The following ATP6V0E1 variants were observed in gnomAD, a reference collection of about 807,000 sequenced individuals.
ATP6V0E1 encodes the protein ATPase H+ transporting V0 subunit e1, also known as V-type proton ATPase subunit e 1.
A neutral mutation model predicts 11.6 loss-of-function variants in ATP6V0E1; 4 were observed. That is an observed-to-expected ratio of 0.35 (90% confidence interval 0.17 to 0.79). ATP6V0E1 has a LOEUF of 0.79. ATP6V0E1 is among the 30% of genes least tolerant of loss of function. ATP6V0E1 has a pLI of 0.54. For missense variants in ATP6V0E1, 105 were observed against 100.0 expected (o/e 1.05, Z -0.21); for synonymous variants, 36 against 34.8 (o/e 1.04, Z -0.13).
rs937990639 is a variant in ATP6V0E1 at position 173,022,226 on chromosome 5, A to C, written c.*36+1859A>C. Among the ~76,000 whole-genome samples the C allele has an allele frequency of 7.9e-5, 12 of 152,228 alleles. No homozygotes were observed. In the South Asian group the frequency reaches 2.3e-3, roughly 29 times the overall value. On this transcript the variant is annotated intron_variant, in intron 3 of 3. Coordinates refer to ENST00000519374, the MANE Select transcript of ATP6V0E1 (RefSeq NM_003945.4). The stretch of plus-strand genomic sequence containing the variant: ...AATGCCTTGACTAGATTTAGGTTCA[A>C]GTTTTTTGGCTCTTTAGGTGTTACT...
intron 1 of ATP6V0E1, among the ~76,000 whole-genome samples, chr5:172,989,828 G>A (rs1359753278): frequency 1.3e-5 from 2 of 151,542 alleles, no homozygotes; most frequent in East Asian, 1.9e-4. Flanking sequence ...ATGCCCAGCC[G>A]AAGATTTTTT....
At chr5:173,013,523 T>A (rs1190074183) in intron 2 of ATP6V0E1, among the ~76,000 whole-genome samples, 1 of 135,956 alleles carries the variant, frequency 7.4e-6, no homozygotes, top group Non-Finnish European at 1.5e-5. Flanking sequence ...TGCAGTGAGC[T>A]GAGATTGCGC....
intron 3 of ATP6V0E1, among the ~76,000 whole-genome samples, chr5:173,030,296 A>G (rs1756629295): frequency 6.6e-6 from 1 of 152,230 alleles, no homozygotes; most frequent in Non-Finnish European, 1.5e-5. Flanking sequence ...AGAAGGAATT[A>G]TTTTGCAAAT....
At chr5:173,019,236 C>T (rs1756445160) in intron 2 of ATP6V0E1, among the ~76,000 whole-genome samples, 2 of 152,302 alleles carry the variant, frequency 1.3e-5, no homozygotes, top group South Asian at 2.1e-4. Context: ...GCATGAGCCA[C>T]CGCACCCAAC....
At chr5:173,010,067 A>G (rs1215175220) in intron 2 of ATP6V0E1, among the ~76,000 whole-genome samples, 1 of 152,124 alleles carries the variant, frequency 6.6e-6, no homozygotes, top group Non-Finnish European at 1.5e-5. Context: ...TGTCCTGGAT[A>G]GCCACTTTGT....
chr5:173,021,938 G>A (rs969486280), intron 3 of ATP6V0E1, among the ~76,000 whole-genome samples: 2 of 152,192 alleles, frequency 1.3e-5, no homozygotes, highest in Admixed American at 1.3e-4. Flanking sequence ...GGGAGGCTGA[G>A]GCAGGAGAAT....
At chr5:172,996,574 AATACATACATAC>A (rs534005934) in intron 2 of ATP6V0E1, among the ~76,000 whole-genome samples, 15 of 151,706 alleles carry the variant, frequency 9.9e-5, no homozygotes, top group African/African-American at 3.4e-4. Flanking sequence ...AAAAAAAAAA[AATACATACATAC>A]ATACATACAT....
chr5:173,005,798 A>T (rs1756219375), intron 2 of ATP6V0E1, among the ~76,000 whole-genome samples: 1 of 152,092 alleles, frequency 6.6e-6, no homozygotes, highest in Non-Finnish European at 1.5e-5. Context: ...GATAAAGTGT[A>T]TTTTCATTTT....
intron 1 of ATP6V0E1, among the ~76,000 whole-genome samples, chr5:172,993,969 T>C (rs896499021): frequency 1.3e-5 from 2 of 152,028 alleles, no homozygotes; most frequent in Non-Finnish European, 2.9e-5. Context: ...TGATGGATGA[T>C]GGAGGGGGGA....
chr5:172,992,859 G>A (rs112115906), intron 1 of ATP6V0E1, among the ~76,000 whole-genome samples: 3,254 of 152,052 alleles, frequency 0.021, 110 homozygotes, highest in African/African-American at 0.073. Flanking sequence ...GTGCAATAGC[G>A]CAATCTCGGC....
Position 173,031,822 on chromosome 5 carries a change from CAA to C in ATP6V0E1, c.*37-2562_*37-2561del, listed in dbSNP as rs34167312. 6.0e-3 allele frequency among the ~76,000 whole-genome samples: 718 copies of C among 119,380 alleles called. 4 individuals are homozygous for C. The highest frequency in any genetic ancestry group is 0.018 in the African/African-American group (624 of 34,480). The allele number at this position is 119,380 out of a possible 152,430, so 78.3% of individuals were successfully genotyped here. A position where few individuals can be genotyped will look rare whatever the true frequency, so the allele number is the denominator to read the frequency against. ...TGGGCGAGAGAGCGAGACTCTGCCT[CAA>C]AAAAAAAAAAAAAAGCTTCCTTAAT... On this transcript the variant is annotated intron_variant, in intron 3 of 3. Coordinates refer to ENST00000519374, the MANE Select transcript of ATP6V0E1 (RefSeq NM_003945.4).
intron 2 of ATP6V0E1, among the ~76,000 whole-genome samples, chr5:173,006,708 T>C (rs1273728415): frequency 1.3e-5 from 2 of 152,346 alleles, no homozygotes; most frequent in East Asian, 3.9e-4. Context: ...AAACAGAAGC[T>C]CAAGTCCGTG....
intron 2 of ATP6V0E1, among the ~76,000 whole-genome samples, chr5:173,014,471 GTGTC>G (rs1756374229): frequency 6.6e-6 from 1 of 152,172 alleles, no homozygotes; most frequent in African/African-American, 2.4e-5. Context: ...ATCAATCTAA[GTGTC>G]TGTCAACAGA....
intron 3 of ATP6V0E1, among the ~76,000 whole-genome samples, chr5:173,029,732 C>G (rs951339944): frequency 3.9e-5 from 6 of 152,028 alleles, no homozygotes; most frequent in Admixed American, 1.3e-4. Context: ...GAGTACATGC[C>G]CCTTGAAATG....
chr5:172,995,907 C>T (rs563842498), intron 2 of ATP6V0E1, among the ~76,000 whole-genome samples: 2 of 152,310 alleles, frequency 1.3e-5, no homozygotes, highest in South Asian at 4.1e-4. Flanking sequence ...AGTCACTACA[C>T]CCAGCCAGGA....
intron 2 of ATP6V0E1, among the ~76,000 whole-genome samples, chr5:173,013,768 A>G (rs1459666135): frequency 1.3e-5 from 2 of 152,222 alleles, no homozygotes; most frequent in Non-Finnish European, 2.9e-5. Context: ...ACAAATGGCC[A>G]GCAGTGCTCA....
At chr5:173,013,507 G>A (rs1326011594) in intron 2 of ATP6V0E1, among the ~76,000 whole-genome samples, 2 of 149,380 alleles carry the variant, frequency 1.3e-5, no homozygotes, top group African/African-American at 2.5e-5. Flanking sequence ...CCCGGCAGGC[G>A]GAGCTTGCAG....
intron 1 of ATP6V0E1, among the ~76,000 whole-genome samples, chr5:172,988,228 C>T (rs1271248411): frequency 2.0e-5 from 3 of 152,204 alleles, no homozygotes; most frequent in Admixed American, 2.0e-4. Context: ...CATTCATTGA[C>T]TGAAAGGTCA....
intron 2 of ATP6V0E1, among the ~76,000 whole-genome samples, chr5:173,001,713 T>C (rs1313805430): frequency 7.0e-6 from 1 of 142,282 alleles, no homozygotes; most frequent in African/African-American, 2.6e-5. Context: ...GGTTTTGAGC[T>C]TTTTTTTTTT....
Sources: allele counts gnomAD v4.1 joint callset (sites outside exome capture counted in the v4.1 genomes callset), GRCh38; gene constraint gnomAD v4.1.1; transcripts MANE v1.5; gene names NCBI Gene and HGNC (gene_info 2026-07-23, HGNC 2026-07-21).